CIB4: variants seen among roughly 807,000 people sequenced by gnomAD.
CIB4 encodes calcium and integrin-binding family member 4.
CIB4 carries 25 observed loss-of-function variants against 25.8 expected under a neutral mutation model. The ratio of observed to expected loss-of-function variants is 0.97; its 90% confidence interval spans 0.71 to 1.35. The LOEUF is 1.35. Among genes scored for constraint, CIB4 ranks in the 40% most tolerant of loss-of-function variants. The pLI, the probability that CIB4 is intolerant of heterozygous loss-of-function variation, is 0.00. For synonymous variants in CIB4, 75 were observed against 81.4 expected, an observed-to-expected ratio of 0.92 and a Z score of 0.42; for missense variants, 235 against 228.2, an observed-to-expected ratio of 1.03 and a Z score of -0.19.
chr2:26,581,519 C>T (rs1423244173), intron 6 of CIB4, 126 bp from the exon 7 acceptor site: 17 of 922,834 alleles, frequency 1.8e-5, no homozygotes, highest in East Asian at 1.0e-4. Flanking sequence ...CTCTGGGTGA[C>T]GGCCACTTTG....
At position 26,583,825 on chromosome 2, in the gene CIB4, G is replaced by A. The variant is rs1461403383; in HGVS notation, c.402C>T (p.Asp134=). 1 of 1,612,742 alleles carries A rather than the reference G, an allele frequency of 6.2e-7. No homozygotes were observed. The highest frequency in any genetic ancestry group is 2.2e-5 in the East Asian group (1 of 44,868). The change falls in exon 5 of 7, where the codon GAC becomes GAT. Residue 134 remains aspartate, a synonymous_variant. Transcript: ENST00000288861. ...RIILRLLNSD[D]MSEDLLMDLT... ...GGTCCATCAGGAGGTCCTCAGACATGTCATCACTGTTCAGCAGTCGCAGGA... is the reference window on the plus strand; with the variant it reads ...GGTCCATCAGGAGGTCCTCAGACATATCATCACTGTTCAGCAGTCGCAGGA...
intron 1 of CIB4, 32 bp from the exon 2 acceptor site, chr2:26,640,599 A>T: frequency 6.2e-7 from 1 of 1,606,688 alleles, no homozygotes; most frequent in Non-Finnish European, 8.5e-7. Context: ...CGACGTGTCC[A>T]CTCCATTCAT....
chr2:26,629,052 G>A (rs1423865573), intron 3 of CIB4, among the ~76,000 whole-genome samples: 2 of 152,144 alleles, frequency 1.3e-5, no homozygotes, highest in South Asian at 2.1e-4. Flanking sequence ...GGCTGGCCTC[G>A]GAGGCTGAGC....
chr2:26,583,719 G>T, intron 5 of CIB4, 70 bp downstream of exon 5: 1 of 1,011,426 alleles, frequency 9.9e-7, no homozygotes, highest in Non-Finnish European at 1.6e-6. Context: ...CCTGACATCC[G>T]GGGGCTTTGG....
intron 2 of CIB4, among the ~76,000 whole-genome samples, chr2:26,638,817 T>G (rs1669581301): frequency 6.6e-6 from 1 of 152,062 alleles, no homozygotes; most frequent in Admixed American, 6.5e-5. Flanking sequence ...CCGGGCGTGG[T>G]GGCAGGCACC....
At chr2:26,608,640 C>T (rs1312763835) in intron 3 of CIB4, among the ~76,000 whole-genome samples, 1 of 152,184 alleles carries the variant, frequency 6.6e-6, no homozygotes, top group African/African-American at 2.4e-5. Flanking sequence ...ACAGAGCCTG[C>T]CACCCAACAG....
At chr2:26,602,137 A>G (rs1306290421) in intron 3 of CIB4, among the ~76,000 whole-genome samples, 1 of 152,220 alleles carries the variant, frequency 6.6e-6, no homozygotes, top group Non-Finnish European at 1.5e-5. Flanking sequence ...CAAAGACAAT[A>G]TGGGATGATA....
chr2:26,593,407 C>T (rs1051455043), intron 4 of CIB4, among the ~76,000 whole-genome samples: 6 of 151,678 alleles, frequency 4.0e-5, no homozygotes, highest in African/African-American at 1.2e-4. Context: ...TATACACACA[C>T]ATATATACAC....
intron 3 of CIB4, among the ~76,000 whole-genome samples, chr2:26,600,365 C>T (rs568570500): frequency 2.1e-3 from 314 of 152,148 alleles, no homozygotes; most frequent in Non-Finnish European, 3.5e-3. Context: ...GATCGTGCCA[C>T]TGCACTCCAG....
chr2:26,629,856 C>T (rs1669382648), intron 2 of CIB4, among the ~76,000 whole-genome samples: 1 of 152,150 alleles, frequency 6.6e-6, no homozygotes, highest in South Asian at 2.1e-4. Context: ...GGCTTATGTC[C>T]AGTCCCTCGG....
chr2:26,605,685 C>A, intron 3 of CIB4: 1 of 355,152 alleles, frequency 2.8e-6, no homozygotes, highest in Non-Finnish European at 5.8e-6. Context: ...AACAAGTGAG[C>A]ACCTACTGTG....
At chr2:26,589,228 C>T (rs1668539753) in intron 4 of CIB4, among the ~76,000 whole-genome samples, 1 of 148,014 alleles carries the variant, frequency 6.8e-6, no homozygotes, top group African/African-American at 2.5e-5. Flanking sequence ...CCTCCTCCTC[C>T]CCCTCTTCTT....
At chr2:26,591,136 G>A (rs1668579340) in intron 4 of CIB4, among the ~76,000 whole-genome samples, 1 of 152,204 alleles carries the variant, frequency 6.6e-6, no homozygotes, top group South Asian at 2.1e-4. Context: ...CCCAGCCTAC[G>A]CTCTACCGTC....
At chr2:26,634,648 A>G (rs1035443314) in intron 2 of CIB4, among the ~76,000 whole-genome samples, 1 of 152,206 alleles carries the variant, frequency 6.6e-6, no homozygotes, top group African/African-American at 2.4e-5. Context: ...TAAGTGGCAG[A>G]GCTGAGCCTC....
intron 3 of CIB4, among the ~76,000 whole-genome samples, chr2:26,626,561 T>A (rs544930047): frequency 6.6e-5 from 10 of 152,334 alleles, no homozygotes; most frequent in African/African-American, 2.4e-4. Flanking sequence ...TGTTCTCTAG[T>A]TTTTCTACAA....
intron 3 of CIB4, among the ~76,000 whole-genome samples, chr2:26,617,481 A>G (rs1669116452): frequency 6.6e-6 from 1 of 152,132 alleles, no homozygotes; most frequent in African/African-American, 2.4e-5. Flanking sequence ...ATGGGGAGAT[A>G]CCACTGCATC....
chr2:26,582,024 A>G (rs1447632784), intron 6 of CIB4, among the ~76,000 whole-genome samples: 1 of 152,232 alleles, frequency 6.6e-6, no homozygotes, highest in Non-Finnish European at 1.5e-5. Context: ...CACAGCACAG[A>G]GTGAGCGTGG....
chr2:26,637,466 C>T (rs1318185789), intron 2 of CIB4, among the ~76,000 whole-genome samples: 1 of 151,790 alleles, frequency 6.6e-6, no homozygotes, highest in Non-Finnish European at 1.5e-5. Context: ...CTTTACTCTC[C>T]TTTTAGTAAA....
At chr2:26,611,700 T>C (rs1668998508) in intron 3 of CIB4, among the ~76,000 whole-genome samples, 1 of 152,170 alleles carries the variant, frequency 6.6e-6, no homozygotes, top group Admixed American at 6.5e-5. Context: ...AAATTATTTA[T>C]AGTAACAAAT....
Sources: allele counts gnomAD v4.1 joint callset (sites outside exome capture counted in the v4.1 genomes callset), GRCh38; gene constraint gnomAD v4.1.1; transcripts MANE v1.5; gene names NCBI Gene and HGNC (gene_info 2026-07-23, HGNC 2026-07-21).